The following SCN1A variants were observed in gnomAD, a reference collection of about 807,000 sequenced individuals.
SCN1A encodes sodium channel protein type 1 subunit alpha.
A neutral mutation model predicts 193.7 loss-of-function variants in SCN1A; 13 were observed. That is an observed-to-expected ratio of 0.07 (90% confidence interval 0.04 to 0.11). SCN1A has a LOEUF of 0.11. SCN1A is among the 10% of genes least tolerant of loss of function. SCN1A has a pLI of 1.00. For synonymous variants in SCN1A, 781 were observed against 843.6 expected, an observed-to-expected ratio of 0.93 and a Z score of 1.29; for missense variants, 1,432 against 2,451.1, an observed-to-expected ratio of 0.58 and a Z score of 8.78.
Position 166,002,552 on chromosome 2 carries a change from T to C in SCN1A, c.4204A>G (p.Arg1402Gly), listed in dbSNP as rs1372883744. Residue 1402 changes from arginine to glycine, a missense_variant, in exon 24 of 29, where the codon AGA (arginine) becomes GGA (glycine). Arg to Gly is a moderately radical substitution (Grantham distance 125, BLOSUM62 -2). Around this residue, in one of 18 missense-constraint regions of SCN1A, gnomAD observed 107 missense variants for 259.4 expected, o/e 0.41. Coordinates refer to ENST00000674923, the MANE Select transcript of SCN1A (RefSeq NM_001165963.4). Reference sequence around the variant, plus strand: ...TTTTTCCATCGAGCAGTCTCATTTCTTTCTATTAGTTTTAGGCAATCAGTA... The same window carrying C: ...TTTTTCCATCGAGCAGTCTCATTTCCTTCTATTAGTTTTAGGCAATCAGTA... ...NHTDCLKLIE[R>G]NETARWKNVK... 1 of 1,611,796 alleles carries C rather than the reference T, an allele frequency of 6.2e-7. No homozygotes were observed. Among genetic ancestry groups the C allele is most frequent in the Non-Finnish European group, 8.5e-7 (1 of 1,178,714 alleles).
intron 2 of SCN1A, among the ~76,000 whole-genome samples, chr2:166,094,509 A>G (rs992596324): frequency 6.6e-6 from 1 of 152,202 alleles, no homozygotes; most frequent in Admixed American, 6.5e-5. Flanking sequence ...AACATTCTGA[A>G]TGTTGCACTC....
chr2:166,081,421 G>GTGTGACTGCTTGGGCCTCTGC (rs1307229187), intron 2 of SCN1A: 1 of 151,886 alleles, frequency 6.6e-6, no homozygotes, highest in Admixed American at 6.6e-5. Context: ...GGGCAGCTCT[G>GTGTGACTGCTTGGGCCTCTGC]TGTGACTGCT....
intron 2 of SCN1A, among the ~76,000 whole-genome samples, chr2:166,085,416 A>C (rs1307078839): frequency 6.6e-6 from 1 of 152,156 alleles, no homozygotes; most frequent in Non-Finnish European, 1.5e-5. Flanking sequence ...ATCCTGCAGA[A>C]TTCTGTGTGG....
intron 19 of SCN1A, among the ~76,000 whole-genome samples, chr2:166,024,871 C>G (rs1694537992): frequency 6.6e-6 from 1 of 152,170 alleles, no homozygotes; most frequent in Admixed American, 6.6e-5. Flanking sequence ...TCAGGCTGGT[C>G]TTGAACTCCG....
intron 23 of SCN1A, among the ~76,000 whole-genome samples, chr2:166,006,886 A>C (rs1691737012): frequency 6.6e-6 from 1 of 151,232 alleles, no homozygotes; most frequent in Non-Finnish European, 1.5e-5. Context: ...AACAAGTTAA[A>C]TTGTTTTTTC....
At chr2:166,019,295 C>A (rs1284299632) in intron 19 of SCN1A, among the ~76,000 whole-genome samples, 3 of 152,092 alleles carry the variant, frequency 2.0e-5, no homozygotes, top group Non-Finnish European at 4.4e-5. Context: ...CAGGTCTAGA[C>A]AAGTGATCTT....
Position 166,009,849 on chromosome 2 carries a change from C to T in SCN1A, c.3880-8G>A. On this transcript the variant is annotated splice_region_variant and splice_polypyrimidine_tract_variant and intron_variant, in intron 22 of 28. Transcript: ENST00000674923. The stretch of plus-strand genomic sequence containing the variant: ...TAAACTGACCAATGAAACCTGCACA[C>T]ACAAAAATAATAACAATTAATAAAC... 1 of 1,604,668 alleles carries T rather than the reference C, an allele frequency of 6.2e-7. No individual in the cohort carries two copies. Among genetic ancestry groups the T allele is most frequent in the Non-Finnish European group, 8.5e-7 (1 of 1,173,360 alleles).
chr2:165,989,533 A>G lies in SCN1A; in HGVS notation c.*1712T>C, dbSNP rs1688862038. ...AGGTACTACCAGAAATATAAATAAA[A>G]TTTTAAACCCTTTTCCAATTGCAAA... On this transcript the variant is annotated 3_prime_UTR_variant, in exon 29 of 29. Transcript: ENST00000674923. 6.6e-6 allele frequency: 1 copy of G among 152,194 alleles called. No individual in the cohort carries two copies. The allele number at this position is 152,194 out of a possible 1,614,324, so 9.4% of individuals were successfully genotyped here. A position where few individuals can be genotyped will look rare whatever the true frequency, so the allele number is the denominator to read the frequency against.
chr2:166,059,548 A>ACT (rs1406565419), intron 4 of SCN1A: 1 of 152,118 alleles, frequency 6.6e-6, no homozygotes, highest in Non-Finnish European at 1.5e-5. Context: ...AAGGGCTCTG[A>ACT]CTCAATGTTT....
In SCN1A at chr2:165,987,523, A is replaced by G. The variant is rs1279344245; in HGVS notation, c.*3722T>C. The G allele has an allele frequency of 6.6e-6, 1 of 152,204 alleles. No individual in the cohort carries two copies. Among genetic ancestry groups the G allele is most frequent in the East Asian group, 1.9e-4 (1 of 5,194 alleles). The allele number at this position is 152,204 out of a possible 1,614,324, so 9.4% of individuals were successfully genotyped here. On this transcript the variant is annotated 3_prime_UTR_variant, in exon 29 of 29. Coordinates refer to ENST00000674923, the MANE Select transcript of SCN1A (RefSeq NM_001165963.4). ...TTATTTCTTCTACAATTGTTAATTA[A>G]CATTCAACTGCAAGAAACAGATTTG...
intron 2 of SCN1A, among the ~76,000 whole-genome samples, chr2:166,107,919 G>T: frequency 6.6e-6 from 1 of 152,034 alleles, no homozygotes; most frequent in East Asian, 1.9e-4. Context: ...AACACCAAAT[G>T]CATAAGTGGT....
At chr2:166,144,826 T>C (rs1692238156) in intron 1 of SCN1A, among the ~76,000 whole-genome samples, 1 of 149,796 alleles carries the variant, frequency 6.7e-6, no homozygotes, top group African/African-American at 2.5e-5. Context: ...TCTTTTAGAG[T>C]TGCTATGGGT....
At chr2:166,124,606 C>T (rs1033141054) in intron 2 of SCN1A, among the ~76,000 whole-genome samples, 1 of 152,104 alleles carries the variant, frequency 6.6e-6, no homozygotes, top group African/African-American at 2.4e-5. Context: ...CATTCTAAAC[C>T]AAACTGTTTT....
intron 2 of SCN1A, 62 bp downstream of exon 2, chr2:166,126,862 A>C (rs1387237507): frequency 6.6e-6 from 1 of 152,280 alleles, no homozygotes; most frequent in Admixed American, 6.5e-5. Flanking sequence ...GTGAGTAATC[A>C]AAGAGAACAA....
At chr2:166,037,664 T>TA (rs1559198105) in intron 18 of SCN1A, 112 bp downstream of exon 18, 8 of 944,954 alleles carry the variant, frequency 8.5e-6, no homozygotes, top group Admixed American at 2.0e-5. Context: ...TCTTTTTTTT[T>TA]ATTATACTTT....
intron 2 of SCN1A, among the ~76,000 whole-genome samples, chr2:166,120,860 C>T (rs1038177377): frequency 2.0e-5 from 3 of 151,652 alleles, no homozygotes; most frequent in African/African-American, 7.3e-5. Flanking sequence ...AGGTGATCTG[C>T]CCACCTTGGC....
chr2:166,067,303 A>G (rs10208454), intron 4 of SCN1A, among the ~76,000 whole-genome samples: 33,604 of 152,046 alleles, frequency 0.22, 3,919 homozygotes, highest in East Asian at 0.36. Flanking sequence ...AATAATAATA[A>G]ATAAATAAGG....
At chr2:166,049,785 T>G (rs62179388) in intron 9 of SCN1A, among the ~76,000 whole-genome samples, 29,098 of 151,948 alleles carry the variant, frequency 0.19, 2,965 homozygotes, top group East Asian at 0.27. Context: ...ATATTGTAAT[T>G]ATTTATTTAC....
At position 166,041,479 on chromosome 2, in the gene SCN1A, G is replaced by A. The variant is rs199507113; in HGVS notation, c.2177-10C>T. 27,779 of 1,128,968 alleles carry A rather than the reference G, an allele frequency of 0.025. No homozygotes were observed. The highest frequency in any genetic ancestry group is 0.077 in the Admixed American group (3,609 of 46,862). The allele number at this position is 1,128,968 out of a possible 1,614,324, so 69.9% of individuals were successfully genotyped here. A position where few individuals can be genotyped will look rare whatever the true frequency, so the allele number is the denominator to read the frequency against. ...CTGGATTCTTCAAGTTCTAGATTAA[G>A]AAAAAAAAAAAAAAGAACCACCAAA... On this transcript the variant is annotated splice_polypyrimidine_tract_variant and intron_variant, in intron 15 of 28. Transcript: ENST00000674923.
Sources: allele counts gnomAD v4.1 joint callset (sites outside exome capture counted in the v4.1 genomes callset), GRCh38; gene constraint gnomAD v4.1.1; regional missense constraint gnomAD v4.1.1; transcripts MANE v1.5; gene names NCBI Gene and HGNC (gene_info 2026-07-23, HGNC 2026-07-21).